Variants in DOCK2 observed in about 807,000 individuals in gnomAD.
DOCK2 encodes the protein dedicator of cytokinesis 2.
Under a neutral mutation model 248.9 loss-of-function variants are expected in DOCK2, and 87 were observed. The ratio of observed to expected loss-of-function variants is 0.35; its 90% CI spans 0.29 to 0.42. The LOEUF (loss-of-function observed/expected upper bound fraction) is 0.42, where lower values mean the gene tolerates loss of function less well. Ranked by LOEUF, DOCK2 falls within the 10% of genes least tolerant of loss-of-function variation. The probability of loss-of-function intolerance (pLI) is 1.00; values close to 1 mark genes in which losing one functional copy is unlikely to be tolerated. For missense variants in DOCK2, 1,747 were observed against 2,300.2 expected, an observed-to-expected ratio of 0.76 and a Z score of 4.92; for synonymous variants, 805 against 821.6, an observed-to-expected ratio of 0.98 and a Z score of 0.35.
intron 32 of DOCK2, among the ~76,000 whole-genome samples, chr5:170,014,156 T>C (rs4867910): frequency 0.49 from 73,843 of 151,818 alleles, 19,980 homozygotes; most frequent in East Asian, 0.91. Context: ...CTTCCTGGGG[T>C]TGGGGAGAGG....
chr5:169,775,816 T>C (rs1561683984), intron 25 of DOCK2, among the ~76,000 whole-genome samples: 1 of 151,862 alleles, frequency 6.6e-6, no homozygotes, highest in Non-Finnish European at 1.5e-5. Context: ...TGACAGCCTG[T>C]GGGAGATCTT....
intron 27 of DOCK2, among the ~76,000 whole-genome samples, chr5:169,975,331 C>T (rs997236639): frequency 6.6e-6 from 1 of 152,198 alleles, no homozygotes; most frequent in African/African-American, 2.4e-5. Flanking sequence ...CTTTCCAGCA[C>T]ACAGCAGCTA....
Position 169,840,873 on chromosome 5 carries a change from T to G in DOCK2, c.2799+21T>G, listed in dbSNP as rs373080861. On this transcript the variant is annotated intron_variant, in intron 27 of 51. Coordinates refer to ENST00000520908, the MANE Select transcript of DOCK2 (RefSeq NM_004946.3). ...TGATTGTGAGTGGATTATTTCTTCTTGTCAAATGTTGCAAGCTCTTCAGCA... is the reference window on the plus strand; with the variant it reads ...TGATTGTGAGTGGATTATTTCTTCTGGTCAAATGTTGCAAGCTCTTCAGCA... The G allele has an allele frequency of 3.2e-5, 51 of 1,611,262 alleles. No individual in the cohort carries two copies. The East Asian group carries it at 5.8e-4, about 18-fold the overall frequency.
chr5:169,965,882 C>T lies in DOCK2; in HGVS notation c.2800-17186C>T, dbSNP rs574262217. Among the ~76,000 whole-genome samples, 15 of 152,266 alleles carry T rather than the reference C, an allele frequency of 9.9e-5. No homozygotes were observed. The South Asian group carries it at 2.7e-3, about 27-fold the overall frequency. On this transcript the variant is annotated intron_variant, in intron 27 of 51. Transcript: ENST00000520908. ...TAGAACTCAGGCCTCTGGGCTCTCA[C>T]CTTTGACGTGGTTCCTGTGCTGGAG...
intron 44 of DOCK2, among the ~76,000 whole-genome samples, chr5:170,058,199 T>C (rs1757204147): frequency 6.6e-6 from 1 of 152,214 alleles, no homozygotes; most frequent in Non-Finnish European, 1.5e-5. Context: ...CTAAAGATCT[T>C]GCAGTCCCCA....
chr5:169,796,206 G>A (rs60014790), intron 25 of DOCK2, among the ~76,000 whole-genome samples: 15 of 152,262 alleles, frequency 9.9e-5, no homozygotes, highest in Non-Finnish European at 1.5e-4. Flanking sequence ...GAGAAGTACC[G>A]TGCACTACAC....
At chr5:169,973,809 A>G (rs1237031080) in intron 27 of DOCK2, among the ~76,000 whole-genome samples, 2 of 152,176 alleles carry the variant, frequency 1.3e-5, no homozygotes, top group Non-Finnish European at 2.9e-5. Flanking sequence ...AACTTTACCA[A>G]TTGGTCTATC....
rs150884555 is a variant in DOCK2, at chr5:169,803,138, G to A, written c.2635G>A (p.Val879Ile). ...GCAGAAGGATGACATGCAACACCAG[G>A]TCCTGGAGAGGAAGTACTGCGTTGA... is the stretch of plus-strand genomic sequence containing the variant. Reference protein sequence around the residue: ...LEQKDDMQHQVLERKYCVELL... With the variant: ...LEQKDDMQHQILERKYCVELL... Residue 879 changes from valine to isoleucine, a missense_variant, in exon 26 of 52, where the codon GTC (valine) becomes ATC (isoleucine). Transcript: ENST00000520908. 1.2e-4 allele frequency: 192 copies of A among 1,614,188 alleles called. 1 individual carries two copies. Among genetic ancestry groups the A allele is most frequent in the Admixed American group, 5.0e-4 (30 of 60,024 alleles).
intron 27 of DOCK2, among the ~76,000 whole-genome samples, chr5:169,876,924 T>C (rs1481416172): frequency 6.6e-6 from 1 of 152,218 alleles, no homozygotes; most frequent in East Asian, 1.9e-4. Flanking sequence ...TATGAGACAC[T>C]GATCCATGAC....
intron 9 of DOCK2, among the ~76,000 whole-genome samples, chr5:169,694,850 C>T (rs1760521558): frequency 6.6e-6 from 1 of 152,024 alleles, no homozygotes; most frequent in Non-Finnish European, 1.5e-5. Flanking sequence ...TGGCTCATGC[C>T]TGTAGTCCCA....
At chr5:169,964,923 G>T (rs1278397626) in intron 27 of DOCK2, among the ~76,000 whole-genome samples, 2 of 152,238 alleles carry the variant, frequency 1.3e-5, no homozygotes, top group Middle Eastern at 3.2e-3. Flanking sequence ...CGTCGCTCAT[G>T]ACTATTATTC....
At chr5:169,883,070 C>G (rs919475467) in intron 27 of DOCK2, 20 of 1,551,472 alleles carry the variant, frequency 1.3e-5, no homozygotes, top group Non-Finnish European at 3.5e-6. Context: ...AAAAGCAATT[C>G]AGGTTTAAGT....
At chr5:169,834,915 T>C (rs1769466781) in intron 26 of DOCK2, among the ~76,000 whole-genome samples, 1 of 152,128 alleles carries the variant, frequency 6.6e-6, no homozygotes, top group African/African-American at 2.4e-5. Flanking sequence ...CAAAGCAAAC[T>C]TTAGAAAAGA....
chr5:169,894,722 G>C (rs114378834), intron 27 of DOCK2, among the ~76,000 whole-genome samples: 1 of 152,180 alleles, frequency 6.6e-6, no homozygotes, highest in East Asian at 1.9e-4. Flanking sequence ...ACACACAGTA[G>C]GTGCTCAGTA....
At position 170,052,336 on chromosome 5, in the gene DOCK2, C is replaced by G. The variant is rs559990416; in HGVS notation, c.4213+1939C>G. On this transcript the variant is annotated intron_variant, in intron 41 of 51. Transcript: ENST00000520908. Reference sequence around the variant, plus strand: ...TTATAGGCGAGACATAGGATTAGTTCTAAGGCTTTTCTAAGTGGATCTCCT... The same window carrying G: ...TTATAGGCGAGACATAGGATTAGTTGTAAGGCTTTTCTAAGTGGATCTCCT... Among the ~76,000 whole-genome samples the G allele has an allele frequency of 3.9e-4, 59 of 152,244 alleles. 1 individual carries two copies. In the South Asian group the frequency reaches 0.012, roughly 30 times the overall value.
At chr5:169,782,104 CCT>C (rs1208638946) in intron 25 of DOCK2, among the ~76,000 whole-genome samples, 2 of 152,116 alleles carry the variant, frequency 1.3e-5, no homozygotes, top group African/African-American at 4.8e-5. Context: ...GTCCCAGTTA[CCT>C]CTCAGAAAAT....
chr5:169,795,926 G>A (rs1405546347), intron 25 of DOCK2, among the ~76,000 whole-genome samples: 1 of 152,176 alleles, frequency 6.6e-6, no homozygotes, highest in Admixed American at 6.5e-5. Flanking sequence ...GTTGAGCTGA[G>A]GAGAATTCGA....
rs184294803 is a variant in DOCK2 at position 169,869,155 on chromosome 5, C to A, written c.2799+28303C>A. Among the ~76,000 whole-genome samples, 8 of 152,366 alleles carry A rather than the reference C, an allele frequency of 5.3e-5. No individual in the cohort carries two copies. The East Asian group carries it at 1.4e-3, about 26-fold the overall frequency. ...TTCCCATCTCAGCTCCTCGCATCAA[C>A]CTTCAGCTCTTCAGTAGCTGCGCAC... is the stretch of plus-strand genomic sequence containing the variant. On this transcript the variant is annotated intron_variant, in intron 27 of 51. Coordinates refer to ENST00000520908, the MANE Select transcript of DOCK2 (RefSeq NM_004946.3).
chr5:169,704,787 G>GTGTA (rs1450678452), intron 14 of DOCK2, among the ~76,000 whole-genome samples: 1 of 146,872 alleles, frequency 6.8e-6, no homozygotes, highest in African/African-American at 2.6e-5. Context: ...GTGTGTGTGT[G>GTGTA]TGTGTGTGTG....
Sources: gnomAD v4.1 joint callset for allele counts (sites outside exome capture counted in the v4.1 genomes callset) on GRCh38, gnomAD v4.1.1 for gene constraint, MANE v1.5 for transcripts, NCBI Gene and HGNC (gene_info 2026-07-23, HGNC 2026-07-21) for gene names.